Variants in PDE1B observed in about 807,000 individuals in gnomAD.
The protein encoded by PDE1B is dual specificity calcium/calmodulin-dependent 3',5'-cyclic nucleotide phosphodiesterase 1B.
PDE1B carries 13 observed loss-of-function variants against 66.7 expected under a neutral mutation model. That is an observed-to-expected ratio of 0.19 (90% CI 0.13 to 0.31). The LOEUF (loss-of-function observed/expected upper bound fraction) is 0.31, where lower values mean the gene tolerates loss of function less well. Among genes scored for constraint, PDE1B ranks in the 10% least tolerant of loss-of-function variants. The pLI is 1.00. For synonymous variants in PDE1B, 230 were observed against 253.9 expected (o/e 0.91, Z 0.90); for missense variants, 485 against 682.3 (o/e 0.71, Z 3.22).
Position 54,575,425 on chromosome 12 carries a change from T to G in PDE1B, c.1186-126T>G. On this transcript the variant is annotated intron_variant, in intron 11 of 15. Coordinates refer to ENST00000243052, the MANE Select transcript of PDE1B (RefSeq NM_000924.4). The surrounding 1 kb of genome is among the most constrained non-coding windows in gnomAD (Gnocchi z 4.0). Reference sequence around the variant, plus strand: ...ATATATTTCATTTGCATATTACTAATTTCCAGGTCAACAGTGCAGAAATTT... The same window carrying G: ...ATATATTTCATTTGCATATTACTAAGTTCCAGGTCAACAGTGCAGAAATTT... 1.3e-6 allele frequency: 1 copy of G among 786,678 alleles called. No homozygotes were observed. Among genetic ancestry groups the G allele is most frequent in the Admixed American group, 1.9e-5 (1 of 52,598 alleles). 48.7% of individuals were successfully genotyped at this position (786,678 alleles called of 1,614,324 possible).
At chr12:54,550,049 G>A (rs1291388404) in intron 2 of PDE1B, 64 bp downstream of exon 2, 4 of 1,571,166 alleles carry the variant, frequency 2.5e-6, no homozygotes, top group Non-Finnish European at 3.5e-6. Flanking sequence ...AGGAGGAGGG[G>A]GGATAACTGG....
rs776185336 is a variant in PDE1B, at chr12:54,549,926, G to C, written c.54G>C (p.Pro18=). 5.6e-6 allele frequency: 9 copies of C among 1,614,022 alleles called. No individual in the cohort carries two copies. Among genetic ancestry groups the C allele is most frequent in the Middle Eastern group, 1.6e-4 (1 of 6,084 alleles). ...PPEMLEESDC[P]SPLELKSAPS... ...AGATGCTGGAGGAGTCGGATTGCCC[G>C]TCACCCCTGGAGCTGAAGTCAGCCC... The change falls in exon 2 of 16, where the codon CCG becomes CCC. Residue 18 remains proline, a synonymous_variant. Coordinates refer to ENST00000243052, the MANE Select transcript of PDE1B (RefSeq NM_000924.4).
chr12:54,569,049 A>G lies in PDE1B; in HGVS notation c.228-135A>G. ...GATAAAGAAATAAAAAGATATAGAG[A>G]AAGAAAGGAAACAGGGTTGAAGACA... On this transcript the variant is annotated intron_variant, in intron 3 of 15. Coordinates refer to ENST00000243052, the MANE Select transcript of PDE1B (RefSeq NM_000924.4). The surrounding 1 kb of genome is among the most constrained non-coding windows in gnomAD (Gnocchi z 4.4). The G allele has an allele frequency of 7.0e-7, 1 of 1,419,810 alleles. No homozygotes were observed. The highest frequency in any genetic ancestry group is 9.4e-7 in the Non-Finnish European group (1 of 1,068,080). 88.0% of individuals were successfully genotyped at this position (1,419,810 alleles called of 1,614,324 possible).
At chr12:54,557,998 C>A (rs1478663017) in intron 2 of PDE1B, among the ~76,000 whole-genome samples, 1 of 152,000 alleles carries the variant, frequency 6.6e-6, no homozygotes, top group Non-Finnish European at 1.5e-5. Flanking sequence ...TGGCTGGGAG[C>A]TGGGACACCT....
Position 54,575,180 on chromosome 12 carries a change from C to T in PDE1B, c.1147C>T (p.Arg383Cys), listed in dbSNP as rs775499568. 6 of 1,613,266 alleles carry T rather than the reference C, an allele frequency of 3.7e-6. No homozygotes were observed. The highest frequency in any genetic ancestry group is 4.2e-6 in the Non-Finnish European group (5 of 1,179,334). Residue 383 changes from arginine (R) to cysteine (C), a missense_variant, in exon 11 of 16, where the codon CGT becomes TGT. By Grantham distance (180) the Arg-to-Cys change is radical. Coordinates refer to ENST00000243052, the MANE Select transcript of PDE1B (RefSeq NM_000924.4). This position sits in a 1 kb window ranked among gnomAD's most constrained non-coding sequence, Gnocchi z 4.0. ...AACCAAGCAGTGGTTGGTCCACAGC[C>T]GTTGGACCAAGGCCCTCATGGAGGA... Reference protein sequence around the residue: ...HPTKQWLVHSRWTKALMEEFF... With the variant: ...HPTKQWLVHSCWTKALMEEFF...
rs1191586607 is a variant in PDE1B at position 54,578,180 on chromosome 12, T to G, written c.*338T>G. The G allele has an allele frequency of 6.6e-6, 1 of 152,104 alleles. No individual in the cohort carries two copies. The highest frequency in any genetic ancestry group is 1.9e-4 in the East Asian group (1 of 5,178). The allele number at this position is 152,104 out of a possible 1,614,324, so 9.4% of individuals were successfully genotyped here. A position where few individuals can be genotyped will look rare whatever the true frequency, so the allele number is the denominator to read the frequency against. On this transcript the variant is annotated 3_prime_UTR_variant, in exon 16 of 16. Transcript: ENST00000243052. Reference sequence around the variant, plus strand: ...GGCTTCCCAGGGCCTTGGGGAAGGGTCAGAGATGCCAGCCCCCTGGGACCT... The same window carrying G: ...GGCTTCCCAGGGCCTTGGGGAAGGGGCAGAGATGCCAGCCCCCTGGGACCT...
chr12:54,578,197 C>T lies in PDE1B; in HGVS notation c.*355C>T, dbSNP rs1565709050. On this transcript the variant is annotated 3_prime_UTR_variant, in exon 16 of 16. Transcript: ENST00000243052. ...GGGAAGGGTCAGAGATGCCAGCCCCCTGGGACCTCCCCCATCCTTTTTGCC... is the reference window on the plus strand; with the variant it reads ...GGGAAGGGTCAGAGATGCCAGCCCCTTGGGACCTCCCCCATCCTTTTTGCC... 1 of 152,302 alleles carries T rather than the reference C, an allele frequency of 6.6e-6. No homozygotes were observed. Among genetic ancestry groups the T allele is most frequent in the Admixed American group, 6.5e-5 (1 of 15,288 alleles). 9.4% of individuals were successfully genotyped at this position (152,302 alleles called of 1,614,324 possible).
rs74091314 is a variant in PDE1B, at chr12:54,557,699, A to G, written c.113+7714A>G. ...TACTTTCCCATCCCAGACTACCTTC[A>G]ACATCTGTTAGGCCCCATGGAAGCA... On this transcript the variant is annotated intron_variant, in intron 2 of 15. Transcript: ENST00000243052. 4.3e-3 allele frequency among the ~76,000 whole-genome samples: 652 copies of G among 152,272 alleles called. 8 individuals are homozygous for G. The highest frequency in any genetic ancestry group is 0.015 in the African/African-American group (610 of 41,536).
intron 2 of PDE1B, among the ~76,000 whole-genome samples, chr12:54,558,595 G>A (rs1957369307): frequency 6.6e-6 from 1 of 152,288 alleles, no homozygotes; most frequent in African/African-American, 2.4e-5. Context: ...GTTGTTCTTG[G>A]TTTCTGGAGC....
intron 2 of PDE1B, among the ~76,000 whole-genome samples, chr12:54,558,705 G>A (rs567311939): frequency 1.4e-3 from 209 of 152,328 alleles, no homozygotes; most frequent in African/African-American, 4.8e-3. Flanking sequence ...GAGTGGTGGC[G>A]TCAGGGAGAC....
intron 10 of PDE1B, chr12:54,574,109 C>T (rs1957680548): frequency 9.1e-6 from 2 of 220,880 alleles, no homozygotes; most frequent in Non-Finnish European, 9.2e-6. Context: ...ACAGCTTGCC[C>T]CTAGTTCCTA....
At chr12:54,561,585 A>G in intron 2 of PDE1B, 2 of 1,527,004 alleles carry the variant, frequency 1.3e-6, no homozygotes. Context: ...TTTGATTCCC[A>G]TGGCAAACCC....
chr12:54,559,810 G>A (rs989198409), intron 2 of PDE1B, among the ~76,000 whole-genome samples: 1 of 152,164 alleles, frequency 6.6e-6, no homozygotes, highest in African/African-American at 2.4e-5. Flanking sequence ...GGTACAAGAC[G>A]AGGCAGGGAA....
Position 54,549,647 on chromosome 12 carries a change from G to A in PDE1B, c.-139G>A, listed in dbSNP as rs866784695. 9 of 481,822 alleles carry A rather than the reference G, an allele frequency of 1.9e-5. No individual in the cohort carries two copies. The highest frequency in any genetic ancestry group is 3.8e-5 in the Admixed American group (1 of 26,120). The allele number at this position is 481,822 out of a possible 1,614,324, so 29.8% of individuals were successfully genotyped here. ...TAGCGGCAGCAGCAGCGGCGGTGCG[G>A]AGAGCTTGGACTGGGAGCCCAAAGC... On this transcript the variant is annotated 5_prime_UTR_variant, in exon 1 of 16. Coordinates refer to ENST00000243052, the MANE Select transcript of PDE1B (RefSeq NM_000924.4).
intron 2 of PDE1B, among the ~76,000 whole-genome samples, chr12:54,565,421 T>C (rs1565697295): frequency 6.6e-6 from 1 of 152,238 alleles, no homozygotes; most frequent in Non-Finnish European, 1.5e-5. Flanking sequence ...CGGGGTACTC[T>C]GGGAGACACT....
chr12:54,549,608 G>GGCGGCGGCGGCGGTAGCGGCA lies in PDE1B; in HGVS notation c.-175_-155dup. 3 of 354,016 alleles carry GGCGGCGGCGGCGGTAGCGGCA rather than the reference G, an allele frequency of 8.5e-6. No homozygotes were observed. Among genetic ancestry groups the GGCGGCGGCGGCGGTAGCGGCA allele is most frequent in the Non-Finnish European group, 1.5e-5 (3 of 193,952 alleles). 21.9% of individuals were successfully genotyped at this position (354,016 alleles called of 1,614,324 possible). A position where few individuals can be genotyped will look rare whatever the true frequency, so the allele number is the denominator to read the frequency against. ...CGAGGAGGCGGCTCTGGCAGCGCGC[G>GGCGGCGGCGGCGGTAGCGGCA]GCGGCGGCGGCGGTAGCGGCAGCAG... On this transcript the variant is annotated 5_prime_UTR_variant, in exon 1 of 16. Coordinates refer to ENST00000243052, the MANE Select transcript of PDE1B (RefSeq NM_000924.4).
chr12:54,557,835 G>A (rs1401753664), intron 2 of PDE1B, among the ~76,000 whole-genome samples: 3 of 152,094 alleles, frequency 2.0e-5, no homozygotes, highest in African/African-American at 7.2e-5. Flanking sequence ...GAGAAGAGGG[G>A]TGGAGAAATG....
At chr12:54,565,055 C>T (rs1056963494) in intron 2 of PDE1B, among the ~76,000 whole-genome samples, 3 of 152,208 alleles carry the variant, frequency 2.0e-5, no homozygotes, top group Admixed American at 6.5e-5. Context: ...GCATTGTTAG[C>T]GATTATGCAA....
At chr12:54,561,676 A>T (rs915400600) in intron 2 of PDE1B, 1 of 1,468,382 alleles carries the variant, frequency 6.8e-7, no homozygotes, top group African/African-American at 1.4e-5. Flanking sequence ...GGGAGGAGGG[A>T]AAGGACAGGT....
Sources: gnomAD v4.1 joint callset for allele counts (sites outside exome capture counted in the v4.1 genomes callset) on GRCh38, gnomAD v4.1.1 for gene constraint, Gnocchi (gnomAD v3.1) non-coding constraint, MANE v1.5 for transcripts, NCBI Gene and HGNC (gene_info 2026-07-23, HGNC 2026-07-21) for gene names.